The following GTPBP6 variants were observed in gnomAD, a reference collection of about 807,000 sequenced individuals.
GTPBP6 encodes the protein putative GTP-binding protein 6.
In GTPBP6, 33 loss-of-function variants were observed where a neutral mutation model predicts 28.9. The observed-to-expected ratio is 1.14, with a 90% CI of 0.87 to 1.53. The LOEUF (loss-of-function observed/expected upper bound fraction) is 1.53, where lower values mean the gene tolerates loss of function less well. Ranked by LOEUF, GTPBP6 falls within the 40% of genes most tolerant of loss-of-function variation. GTPBP6 has a pLI of 0.00. For synonymous variants in GTPBP6, 231 were observed against 192.7 expected, an observed-to-expected ratio of 1.20 and a Z score of -1.65; for missense variants, 507 against 408.3, an observed-to-expected ratio of 1.24 and a Z score of -2.08.
Position 308,666 on chromosome X carries a change from C to A in GTPBP6, c.1126-786G>T, listed in dbSNP as rs373200305. ...CTGCGGTTCAGTCTGGGTGACAGAG[C>A]GAGACCCTGTCTCTAAAGAAGAAAA... On this transcript the variant is annotated intron_variant, in intron 7 of 9. Transcript: ENST00000326153. 8.6e-5 allele frequency among the ~76,000 whole-genome samples: 13 copies of A among 150,908 alleles called. No individual in the cohort carries two copies. In the East Asian group the frequency reaches 1.6e-3, roughly 18 times the overall value.
intron 7 of GTPBP6, among the ~76,000 whole-genome samples, chrX:311,012 G>A (rs757425407): frequency 3.3e-5 from 5 of 152,234 alleles, no homozygotes; most frequent in East Asian, 3.9e-4. Context: ...CACATAAGCC[G>A]GGAGAGGACT....
chrX:305,452 G>A (rs907596835), intron 9 of GTPBP6, among the ~76,000 whole-genome samples: 1 of 151,368 alleles, frequency 6.6e-6, no homozygotes, highest in Non-Finnish European at 1.5e-5. Flanking sequence ...CTCCCGAGTA[G>A]CTGGGACTAC....
chrX:305,837 G>A (rs897475452), intron 9 of GTPBP6, among the ~76,000 whole-genome samples: 1 of 152,048 alleles, frequency 6.6e-6, no homozygotes, highest in Non-Finnish European at 1.5e-5. Context: ...TGTTAGCCAG[G>A]CTGGTCTCGA....
chrX:312,013 G>A, intron 6 of GTPBP6: 1 of 506,266 alleles, frequency 2.0e-6, no homozygotes, highest in Admixed American at 2.6e-5. Flanking sequence ...TGATGGTGTA[G>A]ATGGGTGGAT....
At chrX:311,879 G>C in intron 6 of GTPBP6, 1 of 604,884 alleles carries the variant, frequency 1.7e-6, no homozygotes, top group Admixed American at 2.9e-5. Context: ...ACGGGTGTGC[G>C]TGTGAAGGCG....
chrX:314,298 C>A, intron 4 of GTPBP6, 81 bp from the exon 5 acceptor site: 1 of 1,186,028 alleles, frequency 8.4e-7, no homozygotes, highest in East Asian at 2.4e-5. Flanking sequence ...GTGAAGGGGG[C>A]ACTGAGCTGG....
chrX:310,987 G>A (rs993592655), intron 7 of GTPBP6, among the ~76,000 whole-genome samples: 4 of 152,052 alleles, frequency 2.6e-5, no homozygotes, highest in Admixed American at 6.5e-5. Context: ...CCGGGAACAC[G>A]CTTATGTGTT....
rs761303872 is a variant in GTPBP6, at chrX:307,391, G to A, written c.1396C>T (p.Leu466Phe). The A allele has an allele frequency of 2.2e-5, 35 of 1,612,604 alleles. No homozygotes were observed. In the East Asian group the frequency reaches 6.0e-4, roughly 28 times the overall value. The change falls in exon 9 of 10, where the codon CTC becomes TTC. Residue 466 changes from leucine to phenylalanine, a missense_variant. By Grantham distance (22) the Leu-to-Phe change is conservative. Coordinates refer to ENST00000326153, the Ensembl canonical transcript of GTPBP6. ...TGCGCCCCTGCGAGCCTCACACGGA[G>A]AGTGAGGATCTGTCTCCCCGTCGCC...
At chrX:311,539 G>A (rs376630056) in exon 7 of GTPBP6, 120 of 1,612,034 alleles carry the variant, frequency 7.4e-5, no homozygotes, top group Middle Eastern at 1.9e-4. Flanking sequence ...GCGTGCCCGC[G>A]TGGGCCGTGA....
At chrX:304,815 A>G in exon 10 of GTPBP6, 1 of 1,386,696 alleles carries the variant, frequency 7.2e-7, no homozygotes, top group Non-Finnish European at 9.3e-7. Flanking sequence ...AGCAGTTCAC[A>G]GCAGGCACCG....
chrX:307,810 G>C, exon 8 of GTPBP6: 1 of 1,556,888 alleles, frequency 6.4e-7, no homozygotes, highest in Non-Finnish European at 8.7e-7. Context: ...GCCACGCAGC[G>C]TGGACAGAAC....
intron 9 of GTPBP6, among the ~76,000 whole-genome samples, chrX:306,835 T>C (rs116947198): frequency 0.015 from 1,996 of 135,922 alleles, 61 homozygotes; most frequent in African/African-American, 0.057. Flanking sequence ...CAGAAATGTA[T>C]ATTTTGAGTG....
rs1371553844 is a variant in GTPBP6 at position 318,306 on chromosome X, C to A, written c.349+133G>T. ...AGATTCTCCCCACAGAACCCCGCCC[C>A]TGAATCTCCACCTATGAGATCGTCC... On this transcript the variant is annotated intron_variant, in intron 1 of 9. Transcript: ENST00000326153. 1.3e-3 allele frequency: 501 copies of A among 396,402 alleles called. 5 individuals are homozygous for A. The highest frequency in any genetic ancestry group is 9.8e-3 in the African/African-American group (472 of 48,138). 24.6% of individuals were successfully genotyped at this position (396,402 alleles called of 1,614,324 possible). A position where few individuals can be genotyped will look rare whatever the true frequency, so the allele number is the denominator to read the frequency against.
At chrX:305,017 C>G in exon 10 of GTPBP6, 2 of 1,596,620 alleles carry the variant, frequency 1.3e-6, no homozygotes, top group Non-Finnish European at 1.7e-6. Flanking sequence ...ACAGCGGTAA[C>G]GCCTCAGCTC....
At chrX:312,994 G>A (rs1035402379) in intron 5 of GTPBP6, 70 bp from the exon 6 acceptor site, 49 of 1,431,908 alleles carry the variant, frequency 3.4e-5, no homozygotes, top group Non-Finnish European at 4.0e-5. Context: ...CGGTGCCGCG[G>A]AGGGTCTGCG....
chrX:318,519 A>G, exon 1 of GTPBP6: 1 of 398,504 alleles, frequency 2.5e-6, no homozygotes, highest in Non-Finnish European at 4.4e-6. Context: ...CGCCGGCAGC[A>G]GAGGCTCTCC....
At position 317,562 on chromosome X, in the gene GTPBP6, T is replaced by TGGGGGTGGGG. The variant is rs2070460096; in HGVS notation, c.350-512_350-511insCCCCACCCCC. On this transcript the variant is annotated intron_variant, in intron 1 of 9. Coordinates refer to ENST00000326153, the Ensembl canonical transcript of GTPBP6. ...TTCATTTGCATTTCCTCCTGGGGGG[T>TGGGGGTGGGG]GGGGGGTGGGACTAGACACAGATTG... Among the ~76,000 whole-genome samples the TGGGGGTGGGG allele has an allele frequency of 6.5e-5, 3 of 46,080 alleles. No homozygotes were observed. The African/African-American group carries it at 6.7e-4, about 10-fold the overall frequency. The allele number at this position is 46,080 out of a possible 152,430, so 30.2% of individuals were successfully genotyped here.
rs369779717 is a variant in GTPBP6, at chrX:311,512, G to A, written c.1032C>T (p.Thr344=). ...AGCCGATGGTGTCCACGTACAGGAC[G>A]GTCATGCGTGAGGGCAGCGTGCCCG... The change falls in exon 7 of 10, where the codon ACC becomes ACT. Residue 344 remains threonine (T), a synonymous_variant. Transcript: ENST00000326153. 2.0e-4 allele frequency: 323 copies of A among 1,612,276 alleles called. 2 individuals are homozygous for A. The highest frequency in any genetic ancestry group is 1.4e-3 in the South Asian group (131 of 91,008).
intron 7 of GTPBP6, among the ~76,000 whole-genome samples, chrX:310,378 G>A (rs2070260755): frequency 7.5e-6 from 1 of 132,784 alleles, no homozygotes; most frequent in East Asian, 2.2e-4. Flanking sequence ...CAGGAGCTGG[G>A]AGAGGCAGGA....
Sources: gnomAD v4.1 joint callset for allele counts (sites outside exome capture counted in the v4.1 genomes callset) on GRCh38, gnomAD v4.1.1 for gene constraint, MANE v1.5 for transcripts, NCBI Gene and HGNC (gene_info 2026-07-23, HGNC 2026-07-21) for gene names.